RPGRIP1: variants seen among roughly 807,000 people sequenced by gnomAD.
RPGRIP1 encodes the protein RPGR interacting protein 1, also known as X-linked retinitis pigmentosa GTPase regulator-interacting protein 1.
Under a neutral mutation model 157.9 loss-of-function variants are expected in RPGRIP1, and 128 were observed. The ratio of observed to expected loss-of-function variants is 0.81; its 90% CI spans 0.70 to 0.94. RPGRIP1 has a LOEUF of 0.94. RPGRIP1 is among the 40% of genes least tolerant of loss of function. The pLI is 0.00. For synonymous variants in RPGRIP1, 554 were observed against 571.6 expected (o/e 0.97, Z 0.44); for missense variants, 1,486 against 1,545.8 (o/e 0.96, Z 0.65).
At chr14:21,318,469 TGTTTG>T in intron 11 of RPGRIP1, among the ~76,000 whole-genome samples, 1 of 152,056 alleles carries the variant, frequency 6.6e-6, no homozygotes, top group African/African-American at 2.4e-5. Flanking sequence ...AGTTTTCTTT[TGTTTG>T]GTTTGGTTTG....
chr14:21,302,524 C>G lies in RPGRIP1; in HGVS notation c.527C>G (p.Ser176Trp). The change falls in exon 5 of 25, where the codon TCG becomes TGG. Residue 176 changes from serine to tryptophan, a missense_variant. By Grantham distance (177) the Ser-to-Trp change is radical. Transcript: ENST00000400017. ...AGGCTGAGCTACACAGCCCCTCCAT[C>G]GTTTAAGGAGCATGCGACAAATGAA... ...RDRLSYTAPP[S>W]FKEHATNENR... The G allele has an allele frequency of 6.3e-7, 1 of 1,586,542 alleles. No homozygotes were observed. The highest frequency in any genetic ancestry group is 8.6e-7 in the Non-Finnish European group (1 of 1,164,332).
At chr14:21,290,387 T>C (rs865934207) in intron 2 of RPGRIP1, among the ~76,000 whole-genome samples, 1 of 152,146 alleles carries the variant, frequency 6.6e-6, no homozygotes, top group South Asian at 2.1e-4. Context: ...AATATATTCT[T>C]TCTTGGCTGG....
At chr14:21,326,504 G>A (rs1214930755) in intron 17 of RPGRIP1, among the ~76,000 whole-genome samples, 1 of 149,492 alleles carries the variant, frequency 6.7e-6, no homozygotes, top group African/African-American at 2.4e-5. Context: ...CTAGTAGCTG[G>A]GATTACAGAC....
At position 21,321,239 on chromosome 14, in the gene RPGRIP1, C is replaced by T; in HGVS notation, c.1468-20C>T. On this transcript the variant is annotated intron_variant, in intron 12 of 24. Coordinates refer to ENST00000400017, the MANE Select transcript of RPGRIP1 (RefSeq NM_020366.4). Reference sequence around the variant, plus strand: ...CTGTCATATTTATACTCCCTTTTACCAATGCGTTTCCCTCTACAGCCAAGT... The same window carrying T: ...CTGTCATATTTATACTCCCTTTTACTAATGCGTTTCCCTCTACAGCCAAGT... 1 of 1,604,394 alleles carries T rather than the reference C, an allele frequency of 6.2e-7. No homozygotes were observed. Among genetic ancestry groups the T allele is most frequent in the South Asian group, 1.1e-5 (1 of 89,192 alleles).
chr14:21,333,365 C>T (rs900481299), intron 20 of RPGRIP1, among the ~76,000 whole-genome samples: 1 of 152,176 alleles, frequency 6.6e-6, no homozygotes, highest in Admixed American at 6.5e-5. Flanking sequence ...GCTGCCCGCT[C>T]AGACCTTTTC....
chr14:21,336,755 T>C (rs911319803), intron 21 of RPGRIP1, among the ~76,000 whole-genome samples: 8 of 152,166 alleles, frequency 5.3e-5, no homozygotes, highest in African/African-American at 1.9e-4. Context: ...GAAACTCCAG[T>C]TGAGGTTTTT....
chr14:21,314,714 G>GAAAA (rs557139978), intron 10 of RPGRIP1, among the ~76,000 whole-genome samples: 1 of 131,062 alleles, frequency 7.6e-6, no homozygotes, highest in Non-Finnish European at 1.6e-5. Flanking sequence ...ACTCTGTCTC[G>GAAAA]AAAAAAAAAA....
rs1179331931 is a variant in RPGRIP1, at chr14:21,326,149, C to T, written c.2686C>T (p.Leu896Phe). 1 of 1,572,640 alleles carries T rather than the reference C, an allele frequency of 6.4e-7. No homozygotes were observed. The part of the protein sequence containing the change: ...LGRARVPLLP[L>F]AKNESIKGDF... ...CCGAGCCCGAGTGCCTTTACTGCCT[C>T]TTGCAAAAAATGAATCTATCAAAGG... The change falls in exon 17 of 25, where the codon CTT (leucine) becomes TTT (phenylalanine). Residue 896 changes from leucine to phenylalanine, a missense_variant. By Grantham distance (22) the Leu-to-Phe change is conservative. Coordinates refer to ENST00000400017, the MANE Select transcript of RPGRIP1 (RefSeq NM_020366.4).
intron 14 of RPGRIP1, 97 bp from the exon 15 acceptor site, chr14:21,324,521 T>G: frequency 9.9e-7 from 1 of 1,014,200 alleles, no homozygotes; most frequent in Non-Finnish European, 1.5e-6. Flanking sequence ...AACTTGGACT[T>G]CCACCATGTG....
intron 6 of RPGRIP1, among the ~76,000 whole-genome samples, chr14:21,304,581 T>A (rs901966780): frequency 6.6e-6 from 1 of 152,124 alleles, no homozygotes; most frequent in African/African-American, 2.4e-5. Flanking sequence ...AAAACTTTTT[T>A]AAAAATGTAT....
At position 21,351,239 on chromosome 14, in the gene RPGRIP1, TAA is replaced by T. The variant is rs753169319; in HGVS notation, c.*26_*27del. ...TGAAGGAACAAGTGCTATTCCAATC[TAA>T]AAGTCTCTGAGGGAACCATAGTAAA... On this transcript the variant is annotated 3_prime_UTR_variant, in exon 25 of 25. Transcript: ENST00000400017. 1.9e-5 allele frequency: 27 copies of T among 1,419,410 alleles called. No homozygotes were observed. In the Admixed American group the frequency reaches 4.6e-4, roughly 24 times the overall value. The allele number at this position is 1,419,410 out of a possible 1,614,324, so 87.9% of individuals were successfully genotyped here.
Position 21,328,452 on chromosome 14 carries a change from T to A in RPGRIP1, c.2924T>A (p.Ile975Asn), listed in dbSNP as rs886050399. ...CAGATGGCATCTCCTGAGGTTCCCATTGAAGCTGGCCAGTATCGATCTAAG... is the reference window on the plus strand; with the variant it reads ...CAGATGGCATCTCCTGAGGTTCCCAATGAAGCTGGCCAGTATCGATCTAAG... ...QDQMASPEVP[I>N]EAGQYRSKRK... Residue 975 changes from isoleucine to asparagine, a missense_variant, in exon 19 of 25, where the codon ATT becomes AAT. By Grantham distance (149) the Ile-to-Asn change is moderately radical. Coordinates refer to ENST00000400017, the MANE Select transcript of RPGRIP1 (RefSeq NM_020366.4). 1 of 1,613,102 alleles carries A rather than the reference T, an allele frequency of 6.2e-7. No individual in the cohort carries two copies. The highest frequency in any genetic ancestry group is 8.5e-7 in the Non-Finnish European group (1 of 1,179,650).
chr14:21,314,258 A>G (rs781617237), intron 10 of RPGRIP1, among the ~76,000 whole-genome samples: 4 of 151,838 alleles, frequency 2.6e-5, no homozygotes, highest in Non-Finnish European at 5.9e-5. Flanking sequence ...AATAGTTTCT[A>G]TATTGTGCAG....
chr14:21,344,907 C>T (rs944982905), intron 22 of RPGRIP1, among the ~76,000 whole-genome samples: 2 of 152,164 alleles, frequency 1.3e-5, no homozygotes, highest in Non-Finnish European at 2.9e-5. Context: ...GATCACGCCA[C>T]TGCACTCTAG....
At chr14:21,286,150 C>T (rs1291620618) in intron 1 of RPGRIP1, among the ~76,000 whole-genome samples, 8 of 151,946 alleles carry the variant, frequency 5.3e-5, no homozygotes, top group African/African-American at 1.9e-4. Flanking sequence ...CCACCACGCC[C>T]GGCTAATTTT....
At chr14:21,333,859 G>A (rs1435553706) in intron 20 of RPGRIP1, among the ~76,000 whole-genome samples, 2 of 151,980 alleles carry the variant, frequency 1.3e-5, no homozygotes, top group Non-Finnish European at 2.9e-5. Context: ...CTCAATAGGA[G>A]CAGCGTCAAG....
In RPGRIP1 at chr14:21,328,413, T is replaced by G. The variant is rs754283580; in HGVS notation, c.2896-11T>G. 2 of 1,595,040 alleles carry G rather than the reference T, an allele frequency of 1.3e-6. No homozygotes were observed. The highest frequency in any genetic ancestry group is 1.7e-6 in the Non-Finnish European group (2 of 1,169,260). ...CCAGCTTGTAATGCTATCTCTGATC[T>G]TTCTATTCAGGATCAGATGGCATCT... is the stretch of plus-strand genomic sequence containing the variant. On this transcript the variant is annotated splice_polypyrimidine_tract_variant and intron_variant, in intron 18 of 24. Coordinates refer to ENST00000400017, the MANE Select transcript of RPGRIP1 (RefSeq NM_020366.4).
Position 21,325,908 on chromosome 14 carries a change from GCTGGGAA to G in RPGRIP1, c.2448_2454del (p.Gly817AsnfsTer39). On this transcript the variant is annotated frameshift_variant, in exon 17 of 25. Coordinates refer to ENST00000400017, the MANE Select transcript of RPGRIP1 (RefSeq NM_020366.4). LOFTEE classifies it high-confidence loss of function. ...AGTGCTGTGGCCTCCGGAGTCGATGGCTGGGAACTCAACCCAGTCCATATGCTGTGTA... is the reference window on the plus strand; with the variant it reads ...AGTGCTGTGGCCTCCGGAGTCGATGGCTCAACCCAGTCCATATGCTGTGTA... 6.2e-7 allele frequency: 1 copy of G among 1,613,942 alleles called. No individual in the cohort carries two copies. The highest frequency in any genetic ancestry group is 8.5e-7 in the Non-Finnish European group (1 of 1,179,866).
Position 21,301,170 on chromosome 14 carries a change from T to C in RPGRIP1, c.423T>C (p.Pro141=), listed in dbSNP as rs562265480. Reference sequence around the variant, plus strand: ...CTGCCAGCCCCCGCCGCGCCCAGCCTCGCGTCCAAGTGGGACACAGACAGC... The same window carrying C: ...CTGCCAGCCCCCGCCGCGCCCAGCCCCGCGTCCAAGTGGGACACAGACAGC... ...VGPASPRRAQ[P]RVQVGHRQLH... is the part of the protein sequence containing the mutation. The change falls in exon 4 of 25, where the codon CCT becomes CCC. Residue 141 remains proline, a synonymous_variant. Transcript: ENST00000400017. The C allele has an allele frequency of 1.9e-6, 3 of 1,594,940 alleles. No individual in the cohort carries two copies. In the East Asian group the frequency reaches 6.8e-5, roughly 36 times the overall value.
Sources: allele counts gnomAD v4.1 joint callset (sites outside exome capture counted in the v4.1 genomes callset), GRCh38; gene constraint gnomAD v4.1.1; transcripts MANE v1.5; gene names NCBI Gene and HGNC (gene_info 2026-07-23, HGNC 2026-07-21).